Variants in CNTNAP4 observed in about 807,000 individuals in gnomAD.
CNTNAP4 encodes the protein contactin associated protein family member 4.
CNTNAP4 carries 98 observed loss-of-function variants against 148.4 expected under a neutral mutation model. The observed-to-expected ratio is 0.66, with a 90% CI of 0.56 to 0.78. The LOEUF is 0.78. CNTNAP4 is among the 30% of genes least tolerant of loss of function. The pLI, the probability that CNTNAP4 is intolerant of heterozygous loss-of-function variation, is 0.00. For missense variants in CNTNAP4, 1,935 were observed against 1,565.6 expected (o/e 1.24, Z -3.98); for synonymous variants, 730 against 565.1 (o/e 1.29, Z -4.14).
chr16:76,555,726 T>C (rs2085170592), intron 23 of CNTNAP4, among the ~76,000 whole-genome samples: 1 of 152,240 alleles, frequency 6.6e-6, no homozygotes, highest in African/African-American at 2.4e-5. Flanking sequence ...CCTAAAGTTA[T>C]TCTAGAATAG....
At chr16:76,286,112 C>A (rs1464375340) in intron 1 of CNTNAP4, among the ~76,000 whole-genome samples, 1 of 147,660 alleles carries the variant, frequency 6.8e-6, no homozygotes, top group African/African-American at 2.6e-5. Context: ...TGACCAAGGA[C>A]AAAAAAGGAA....
rs1426428859 is a variant in CNTNAP4 at position 76,419,393 on chromosome 16, C to T, written c.391-8059C>T. On this transcript the variant is annotated intron_variant, in intron 3 of 23. Coordinates refer to ENST00000611870, the MANE Select transcript of CNTNAP4 (RefSeq NM_033401.5). Reference sequence around the variant, plus strand: ...TCACAGTCATTCCCTTTCCCACTTCCTGACAGAGCCAGAAGGGAGTCTTTT... The same window carrying T: ...TCACAGTCATTCCCTTTCCCACTTCTTGACAGAGCCAGAAGGGAGTCTTTT... Among the ~76,000 whole-genome samples the T allele has an allele frequency of 2.0e-5, 3 of 151,996 alleles. No homozygotes were observed. The East Asian group carries it at 5.8e-4, about 29-fold the overall frequency.
chr16:76,286,792 G>A (rs1266930635), intron 1 of CNTNAP4, among the ~76,000 whole-genome samples: 3 of 152,162 alleles, frequency 2.0e-5, no homozygotes, highest in African/African-American at 7.2e-5. Context: ...GCAGAAAGCT[G>A]CAAGAATGCT....
intron 18 of CNTNAP4, among the ~76,000 whole-genome samples, chr16:76,537,303 T>G (rs1232137645): frequency 6.6e-6 from 1 of 152,178 alleles, no homozygotes; most frequent in Non-Finnish European, 1.5e-5. Flanking sequence ...AGCCTAAACA[T>G]TACTGTATGA....
intron 11 of CNTNAP4, among the ~76,000 whole-genome samples, chr16:76,477,067 C>T (rs1473795422): frequency 1.3e-5 from 2 of 151,932 alleles, no homozygotes; most frequent in Non-Finnish European, 2.9e-5. Flanking sequence ...CTATTATATG[C>T]AACTTACTTA....
chr16:76,497,383 A>G (rs2082434394), intron 14 of CNTNAP4, among the ~76,000 whole-genome samples: 1 of 152,232 alleles, frequency 6.6e-6, no homozygotes, highest in Non-Finnish European at 1.5e-5. Context: ...TCTGTAAAGC[A>G]AACATTGAAA....
chr16:76,337,605 C>T (rs1597239320), intron 2 of CNTNAP4, among the ~76,000 whole-genome samples: 1 of 152,188 alleles, frequency 6.6e-6, no homozygotes, highest in Non-Finnish European at 1.5e-5. Context: ...TATTGATAAA[C>T]ATCTTAACAG....
intron 3 of CNTNAP4, among the ~76,000 whole-genome samples, chr16:76,364,576 G>C (rs778439105): frequency 3.9e-5 from 6 of 151,954 alleles, no homozygotes; most frequent in African/African-American, 1.5e-4. Context: ...CTCTTACCAC[G>C]GCTGCGATAC....
chr16:76,325,575 C>T (rs1019088646), intron 2 of CNTNAP4, among the ~76,000 whole-genome samples: 3 of 152,080 alleles, frequency 2.0e-5, no homozygotes, highest in African/African-American at 7.2e-5. Context: ...AATGAGAAAA[C>T]ATTTTAACTG....
At chr16:76,387,400 C>T (rs140370347) in intron 3 of CNTNAP4, among the ~76,000 whole-genome samples, 14 of 152,274 alleles carry the variant, frequency 9.2e-5, no homozygotes, top group African/African-American at 3.1e-4. Context: ...AACTGATTGA[C>T]TGATTTTGTA....
chr16:76,438,847 T>C (rs2079932059), intron 4 of CNTNAP4, among the ~76,000 whole-genome samples: 4 of 152,160 alleles, frequency 2.6e-5, no homozygotes, highest in Non-Finnish European at 5.9e-5. Context: ...CAAATTTAAA[T>C]CTCCGTGTTC....
At chr16:76,437,177 C>T (rs113100921) in intron 4 of CNTNAP4, among the ~76,000 whole-genome samples, 5 of 151,922 alleles carry the variant, frequency 3.3e-5, no homozygotes, top group African/African-American at 1.2e-4. Context: ...GCCAGTCCAG[C>T]GTTTTCGTGT....
At chr16:76,299,902 A>C (rs1959760463) in intron 1 of CNTNAP4, among the ~76,000 whole-genome samples, 1 of 152,070 alleles carries the variant, frequency 6.6e-6, no homozygotes, top group Non-Finnish European at 1.5e-5. Flanking sequence ...AGGACAAAAA[A>C]CCAAACACCT....
intron 3 of CNTNAP4, among the ~76,000 whole-genome samples, chr16:76,391,296 G>T (rs535620891): frequency 2.0e-5 from 3 of 152,086 alleles, no homozygotes; most frequent in Admixed American, 2.0e-4. Flanking sequence ...TCAAATGTTC[G>T]CATTTGACGT....
chr16:76,542,392 G>T (rs1234291817), intron 21 of CNTNAP4, among the ~76,000 whole-genome samples: 1 of 152,142 alleles, frequency 6.6e-6, no homozygotes, highest in Non-Finnish European at 1.5e-5. Context: ...CTTATTCCAT[G>T]TATAGCTATG....
chr16:76,549,036 T>C (rs941981441), intron 21 of CNTNAP4, among the ~76,000 whole-genome samples: 1 of 152,136 alleles, frequency 6.6e-6, no homozygotes, highest in Admixed American at 6.5e-5. Flanking sequence ...CCACCGACGC[T>C]TCTGAAATGA....
intron 1 of CNTNAP4, among the ~76,000 whole-genome samples, chr16:76,280,406 A>G (rs1958642394): frequency 6.6e-6 from 1 of 152,286 alleles, no homozygotes; most frequent in East Asian, 1.9e-4. Context: ...GTATATAGGT[A>G]TATGTGTATG....
At chr16:76,318,179 T>TATA (rs1962009133) in intron 2 of CNTNAP4, among the ~76,000 whole-genome samples, 1 of 152,180 alleles carries the variant, frequency 6.6e-6, no homozygotes, top group South Asian at 2.1e-4. Context: ...ATTCTGTGCT[T>TATA]CTTTATAGAG....
At chr16:76,401,363 T>C (rs1241964036) in intron 3 of CNTNAP4, among the ~76,000 whole-genome samples, 1 of 152,140 alleles carries the variant, frequency 6.6e-6, no homozygotes, top group African/African-American at 2.4e-5. Flanking sequence ...TATTGGTGTA[T>C]AGGAATGCTA....
Sources: allele counts gnomAD v4.1 joint callset (sites outside exome capture counted in the v4.1 genomes callset), GRCh38; gene constraint gnomAD v4.1.1; transcripts MANE v1.5; gene names NCBI Gene and HGNC (gene_info 2026-07-23, HGNC 2026-07-21).